The following SCN11A variants were observed in gnomAD, a reference collection of about 807,000 sequenced individuals.
SCN11A encodes sodium channel protein type 11 subunit alpha.
SCN11A carries 122 observed loss-of-function variants against 162.2 expected under a neutral mutation model. The observed-to-expected ratio is 0.75, with a 90% CI of 0.65 to 0.87. The LOEUF (loss-of-function observed/expected upper bound fraction) is 0.87. Ranked by LOEUF, SCN11A falls within the 40% of genes least tolerant of loss-of-function variation. The probability of loss-of-function intolerance (pLI) is 0.00; values close to 1 mark genes in which losing one functional copy is unlikely to be tolerated. For missense variants in SCN11A, 2,015 were observed against 2,181.6 expected (o/e 0.92, Z 1.52); for synonymous variants, 758 against 751.5 (o/e 1.01, Z -0.14).
intron 28 of SCN11A, among the ~76,000 whole-genome samples, chr3:38,852,124 GA>G (rs2064792212): frequency 1.3e-5 from 2 of 152,100 alleles, no homozygotes; most frequent in African/African-American, 4.8e-5. Flanking sequence ...ATACTGATAT[GA>G]ATTAAAACCA....
At chr3:38,995,525 G>T (rs2030599067) in intron 2 of SCN11A, among the ~76,000 whole-genome samples, 1 of 152,218 alleles carries the variant, frequency 6.6e-6, no homozygotes, top group Non-Finnish European at 1.5e-5. Context: ...GAGGCAGGGA[G>T]CATCATTTAA....
chr3:38,987,738 C>T (rs1173957959), intron 2 of SCN11A, among the ~76,000 whole-genome samples: 1 of 152,166 alleles, frequency 6.6e-6, no homozygotes, highest in Admixed American at 6.5e-5. Context: ...TGTGAAGCCA[C>T]AGAGCCCGGG....
chr3:39,022,153 A>G (rs1481974538), intron 2 of SCN11A, among the ~76,000 whole-genome samples: 1 of 152,064 alleles, frequency 6.6e-6, no homozygotes, highest in African/African-American at 2.4e-5. Flanking sequence ...TCACCTTTTG[A>G]TATCAGAGGG....
At chr3:38,999,449 G>C (rs929959465) in intron 2 of SCN11A, among the ~76,000 whole-genome samples, 5 of 152,104 alleles carry the variant, frequency 3.3e-5, no homozygotes, top group Non-Finnish European at 5.9e-5. Context: ...TTTTCTCCAG[G>C]ACCTCTCCTA....
chr3:39,045,579 G>A (rs750298875), intron 1 of SCN11A, among the ~76,000 whole-genome samples: 17 of 152,088 alleles, frequency 1.1e-4, no homozygotes, highest in Non-Finnish European at 1.9e-4. Context: ...AAAGGCATTC[G>A]ATAAAATTCA....
At chr3:39,011,345 A>T (rs1377987977) in intron 2 of SCN11A, among the ~76,000 whole-genome samples, 1 of 151,668 alleles carries the variant, frequency 6.6e-6, no homozygotes, top group South Asian at 2.1e-4. Context: ...TTGGTTCAGG[A>T]AGTAAGGCTT....
chr3:38,995,194 G>A (rs1484431444), intron 2 of SCN11A, among the ~76,000 whole-genome samples: 2 of 151,048 alleles, frequency 1.3e-5, no homozygotes, highest in Admixed American at 6.6e-5. Context: ...GCAGTGGCGC[G>A]ATCTCGGCTC....
At position 38,846,674 on chromosome 3, in the gene SCN11A, G is replaced by A; in HGVS notation, c.*20C>T. 6.2e-7 allele frequency: 1 copy of A among 1,601,642 alleles called. No individual in the cohort carries two copies. The highest frequency in any genetic ancestry group is 1.1e-5 in the South Asian group (1 of 90,698). ...GAAGGCAAGGCTGTGAAGCTATGAG[G>A]TAGGCGTGGAGGTGAGGGCTCAGTC... On this transcript the variant is annotated 3_prime_UTR_variant, in exon 30 of 30. Coordinates refer to ENST00000302328, the MANE Select transcript of SCN11A (RefSeq NM_001349253.2).
chr3:38,919,801 T>C, intron 11 of SCN11A, 134 bp downstream of exon 11: 3 of 712,196 alleles, frequency 4.2e-6, no homozygotes, highest in Non-Finnish European at 4.9e-6. Context: ...AGTCTAAACA[T>C]GTTTAGACAC....
rs776919001 is a variant in SCN11A, at chr3:38,908,997, C to T, written c.1299G>A (p.Glu433=). ...EAQQLLKEEK[E]ALVAMGIDRS... is the part of the protein sequence containing the mutation. ...CCACTGTCTGACCCCATGTCCCTAC[C>T]TCCTTTTCCTCCTTTAACAGCTGCT... Residue 433 remains glutamate (E), a splice_region_variant and synonymous_variant, in exon 13 of 30, where the codon GAG becomes GAA. Transcript: ENST00000302328. 4 of 1,612,700 alleles carry T rather than the reference C, an allele frequency of 2.5e-6. No individual in the cohort carries two copies. Among genetic ancestry groups the T allele is most frequent in the Middle Eastern group, 3.8e-4 (2 of 5,250 alleles).
intron 11 of SCN11A, among the ~76,000 whole-genome samples, 194 bp from the exon 12 acceptor site, chr3:38,910,401 T>G (rs1259328776): frequency 6.6e-6 from 1 of 152,202 alleles, no homozygotes; most frequent in African/African-American, 2.4e-5. Flanking sequence ...TAAATTCATA[T>G]AAGATAGTTT....
chr3:39,043,300 A>G (rs1309911562), intron 1 of SCN11A, among the ~76,000 whole-genome samples: 1 of 152,222 alleles, frequency 6.6e-6, no homozygotes, highest in Admixed American at 6.5e-5. Context: ...ACGATCCAGC[A>G]ATCCCATTGC....
At chr3:39,028,389 T>C (rs1421902291) in intron 2 of SCN11A, among the ~76,000 whole-genome samples, 3 of 152,246 alleles carry the variant, frequency 2.0e-5, no homozygotes, top group Non-Finnish European at 4.4e-5. Flanking sequence ...GCTAGATGCT[T>C]ATAACTAGTT....
intron 2 of SCN11A, among the ~76,000 whole-genome samples, chr3:39,006,754 A>T (rs911589299): frequency 3.9e-5 from 6 of 152,100 alleles, no homozygotes; most frequent in Non-Finnish European, 5.9e-5. Flanking sequence ...GCAAGCCATG[A>T]TTGTACCACT....
rs141167813 is a variant in SCN11A at position 38,953,940 on chromosome 3, C to A, written c.-138-181G>T. Among the ~76,000 whole-genome samples the A allele has an allele frequency of 2.2e-3, 341 of 152,260 alleles. 1 individual carries two copies. The highest frequency in any genetic ancestry group is 8.0e-3 in the African/African-American group (333 of 41,534). ...ATTACTTAAACGAGTTCAATACAAC[C>A]AGCTTTTCTTCCAGGGCCAGAACCA... On this transcript the variant is annotated intron_variant, in intron 3 of 29. Coordinates refer to ENST00000302328, the MANE Select transcript of SCN11A (RefSeq NM_001349253.2).
rs1436881927 is a variant in SCN11A, at chr3:38,846,052, T to G, written c.*642A>C. Reference sequence around the variant, plus strand: ...ATCTAGAAACATAGAAAATACAACTTAAAATTTTAATGTGTTTTTTGTTTC... The same window carrying G: ...ATCTAGAAACATAGAAAATACAACTGAAAATTTTAATGTGTTTTTTGTTTC... On this transcript the variant is annotated 3_prime_UTR_variant, in exon 30 of 30. Coordinates refer to ENST00000302328, the MANE Select transcript of SCN11A (RefSeq NM_001349253.2). 6.6e-6 allele frequency: 1 copy of G among 152,228 alleles called. No homozygotes were observed. The highest frequency in any genetic ancestry group is 1.5e-5 in the Non-Finnish European group (1 of 68,048). 9.4% of individuals were successfully genotyped at this position (152,228 alleles called of 1,614,324 possible).
rs561029369 is a variant in SCN11A, at chr3:38,920,103, T to C, written c.893-102A>G. 3 of 876,898 alleles carry C rather than the reference T, an allele frequency of 3.4e-6. No individual in the cohort carries two copies. The South Asian group carries it at 4.5e-5, about 13-fold the overall frequency. 54.3% of individuals were successfully genotyped at this position (876,898 alleles called of 1,614,324 possible). A position where few individuals can be genotyped will look rare whatever the true frequency, so the allele number is the denominator to read the frequency against. ...ATGCTTGAAAATGGATGTTTCTACA[T>C]CTTCTAAAATGATTAAAGGAGGTGT... On this transcript the variant is annotated intron_variant, in intron 10 of 29. Transcript: ENST00000302328.
intron 1 of SCN11A, among the ~76,000 whole-genome samples, chr3:39,042,957 C>CAAAAAAAAA (rs561204433): frequency 3.0e-5 from 2 of 66,028 alleles, no homozygotes; most frequent in African/African-American, 4.4e-5. Context: ...AACTCCATCT[C>CAAAAAAAAA]AAAAAAAAAA....
At chr3:39,050,004 G>C (rs1487373001) in intron 1 of SCN11A, among the ~76,000 whole-genome samples, 1 of 152,186 alleles carries the variant, frequency 6.6e-6, no homozygotes, top group Non-Finnish European at 1.5e-5. Context: ...GCAAGTACCA[G>C]TATATTGTCC....
Sources: gnomAD v4.1 joint callset for allele counts (sites outside exome capture counted in the v4.1 genomes callset) on GRCh38, gnomAD v4.1.1 for gene constraint, MANE v1.5 for transcripts, NCBI Gene and HGNC (gene_info 2026-07-23, HGNC 2026-07-21) for gene names.